Variants in OGG1 observed in about 807,000 individuals in gnomAD.
The protein encoded by OGG1 is 8-oxoguanine DNA glycosylase, also known as N-glycosylase/DNA lyase.
OGG1 carries 35 observed loss-of-function variants against 42.3 expected under a neutral mutation model. The ratio of observed to expected loss-of-function variants is 0.83; its 90% CI spans 0.63 to 1.10. OGG1 has a LOEUF of 1.10. Among genes scored for constraint, OGG1 ranks in the 50% least tolerant of loss-of-function variants. The probability of loss-of-function intolerance (pLI) is 0.00; values close to 1 mark genes in which losing one functional copy is unlikely to be tolerated. For synonymous variants in OGG1, 189 were observed against 179.0 expected (o/e 1.06, Z -0.44); for missense variants, 484 against 446.7 (o/e 1.08, Z -0.75).
intron 3 of OGG1, among the ~76,000 whole-genome samples, chr3:9,786,624 G>A (rs2078619342): frequency 6.6e-6 from 1 of 152,198 alleles, no homozygotes; most frequent in Non-Finnish European, 1.5e-5. Context: ...GCCTCCAGTG[G>A]GAGGATGTGT....
downstream of OGG1, chr3:9,767,704 T>C: frequency 6.2e-7 from 1 of 1,614,096 alleles, no homozygotes; most frequent in Non-Finnish European, 8.5e-7. Flanking sequence ...ATGTCTCTAA[T>C]GTCCTCCGCC....
Position 9,765,569 on chromosome 3 carries a change from C to T in OGG1, c.1049-240C>T, listed in dbSNP as rs151072250. Among the ~76,000 whole-genome samples the T allele has an allele frequency of 1.7e-3, 258 of 152,312 alleles. 3 individuals are homozygous for T. Among genetic ancestry groups the T allele is most frequent in the Admixed American group, 0.011 (162 of 15,300 alleles). On this transcript the variant is annotated intron_variant, in intron 7 of 7. Transcript: ENST00000302008. The stretch of plus-strand genomic sequence containing the variant: ...CTCCATCACATCTGTCATGTTAGGC[C>T]AGGCACTTGAAATAAAGGACTTCTG...
chr3:9,750,632 A>G, intron 1 of OGG1: 1 of 737,922 alleles, frequency 1.4e-6, no homozygotes, highest in South Asian at 1.7e-5. Flanking sequence ...GATGCAGAAG[A>G]TAATAGCACT....
chr3:9,763,336 T>G, intron 7 of OGG1: 1 of 1,201,242 alleles, frequency 8.3e-7, no homozygotes, highest in Admixed American at 2.0e-5. Context: ...AAAGCTGCAG[T>G]CTGTTATGAT....
At chr3:9,750,461 T>A in intron 1 of OGG1, 38 bp downstream of exon 1, 1 of 1,611,928 alleles carries the variant, frequency 6.2e-7, no homozygotes, top group Non-Finnish European at 8.5e-7. Flanking sequence ...CCCCTCGGAC[T>A]GGCTCCTGCC....
rs1269066148 is a variant in OGG1 at position 9,751,782 on chromosome 3, T to A, written c.398T>A (p.Leu133Gln). 15 of 1,614,114 alleles carry A rather than the reference T, an allele frequency of 9.3e-6. No homozygotes were observed. The highest frequency in any genetic ancestry group is 1.3e-5 in the Non-Finnish European group (15 of 1,180,046). ...VAQKFQGVRL[L>Q]RQDPIECLFS... ...TTCTGGTCTCCAGGTGTGCGACTGC[T>A]GCGACAAGACCCCATCGAATGCCTT... is the stretch of plus-strand genomic sequence containing the variant. The change falls in exon 3 of 7, where the codon CTG becomes CAG. Residue 133 changes from leucine (L) to glutamine (Q), a missense_variant. Physicochemically the swap from Leu to Gln is moderately radical, Grantham distance 113. Coordinates refer to ENST00000344629, the MANE Select transcript of OGG1 (RefSeq NM_002542.6).
downstream of OGG1, chr3:9,759,865 C>T: frequency 6.4e-7 from 1 of 1,569,942 alleles, no homozygotes. Context: ...GAGGCCAAAT[C>T]AGTCCATGCC....
intron 3 of OGG1, among the ~76,000 whole-genome samples, chr3:9,784,864 C>CAAA (rs56673103): frequency 7.2e-5 from 7 of 97,408 alleles, no homozygotes; most frequent in Admixed American, 3.4e-4. Flanking sequence ...GACTCCATCT[C>CAAA]AAAAAAAAAA....
downstream of OGG1, chr3:9,761,556 T>G (rs2077873232): frequency 1.2e-6 from 2 of 1,613,084 alleles, no homozygotes. Flanking sequence ...GAAGAGGACG[T>G]GGTGGTGACA....
In OGG1 at chr3:9,785,464, G is replaced by T. The variant is rs768343759; in HGVS notation, c.383-2264G>T. On this transcript the variant is annotated intron_variant, in intron 3 of 3. Coordinates refer to the OGG1 transcript ENST00000426518. ...AAAATGAGTGGAAGGAAAAATAGCT[G>T]TTCCACTTTCCTGCTCCTTTCTGAC... The T allele has an allele frequency of 2.6e-5, 36 of 1,405,110 alleles. No homozygotes were observed. In the East Asian group the frequency reaches 8.0e-4, roughly 31 times the overall value. 87.0% of individuals were successfully genotyped at this position (1,405,110 alleles called of 1,614,324 possible).
downstream of OGG1, chr3:9,789,414 A>G: frequency 8.6e-7 from 1 of 1,159,354 alleles, no homozygotes. Flanking sequence ...AGGGTTGGGG[A>G]AGGAAGATGA....
At chr3:9,767,833 G>T, downstream of OGG1, 1 of 1,569,882 alleles carries the variant, frequency 6.4e-7, no homozygotes, top group Non-Finnish European at 8.7e-7. Flanking sequence ...CCTCTGTCTG[G>T]GAATTTACTG....
At chr3:9,784,275 G>A (rs866689051) in intron 3 of OGG1, 3 of 1,552,156 alleles carry the variant, frequency 1.9e-6, no homozygotes, top group Middle Eastern at 4.2e-4. Flanking sequence ...CCACCTTGGA[G>A]GTTCCCAGGG....
chr3:9,752,529 C>CAAAAAAAAAA (rs144337359), intron 3 of OGG1, among the ~76,000 whole-genome samples: 1 of 75,022 alleles, frequency 1.3e-5, no homozygotes, highest in African/African-American at 4.9e-5. Context: ...GACTCTGTCT[C>CAAAAAAAAAA]AAAAAAAAAA....
At chr3:9,754,632 C>T (rs752559862) in intron 3 of OGG1, 72 bp from the exon 4 acceptor site, 22 of 1,525,822 alleles carry the variant, frequency 1.4e-5, no homozygotes, top group Middle Eastern at 1.7e-4. Flanking sequence ...AGGTAGAGAG[C>T]TCACTTACTA....
chr3:9,790,080 C>T, downstream of OGG1: 1 of 1,264,650 alleles, frequency 7.9e-7, no homozygotes, highest in Non-Finnish European at 1.1e-6. Flanking sequence ...TTTCCCCATC[C>T]TCTTTTTACC....
chr3:9,770,306 C>T (rs1362325843), downstream of OGG1, among the ~76,000 whole-genome samples: 1 of 152,152 alleles, frequency 6.6e-6, no homozygotes, highest in Non-Finnish European at 1.5e-5. Flanking sequence ...ACCAGTTCTG[C>T]GACCTCCCTT....
intron 2 of OGG1, among the ~76,000 whole-genome samples, chr3:9,775,059 G>C (rs2078347957): frequency 6.6e-6 from 1 of 151,750 alleles, no homozygotes; most frequent in African/African-American, 2.4e-5. Flanking sequence ...CACCAACATG[G>C]TGAGACCCTG....
At chr3:9,765,283 G>C (rs542070648) in intron 7 of OGG1, among the ~76,000 whole-genome samples, 12 of 152,164 alleles carry the variant, frequency 7.9e-5, no homozygotes, top group Non-Finnish European at 8.8e-5. Context: ...GGAGAGATTG[G>C]AAGTGATTCT....
Sources: allele counts gnomAD v4.1 joint callset (sites outside exome capture counted in the v4.1 genomes callset), GRCh38; gene constraint gnomAD v4.1.1; transcripts MANE v1.5; gene names NCBI Gene and HGNC (gene_info 2026-07-23, HGNC 2026-07-21).